SRGAP2C: variants seen among roughly 807,000 people sequenced by gnomAD.
SRGAP2C encodes SLIT-ROBO Rho GTPase activating protein 2C.
A neutral mutation model predicts 25.1 loss-of-function variants in SRGAP2C; 15 were observed. That is an observed-to-expected ratio of 0.60 (90% CI 0.40 to 0.92). SRGAP2C has a LOEUF of 0.92. Among genes scored for constraint, SRGAP2C ranks in the 40% least tolerant of loss-of-function variants. The probability of loss-of-function intolerance (pLI) is 0.00; values close to 1 mark genes in which losing one functional copy is unlikely to be tolerated. For synonymous variants in SRGAP2C, 44 were observed against 96.6 expected, an observed-to-expected ratio of 0.46 and a Z score of 3.19; for missense variants, 144 against 264.4, an observed-to-expected ratio of 0.54 and a Z score of 3.16.
chr1:121,270,560 C>T (rs1656921254), intron 2 of SRGAP2C, among the ~76,000 whole-genome samples: 1 of 129,264 alleles, frequency 7.7e-6, no homozygotes, highest in Non-Finnish European at 1.6e-5. Flanking sequence ...TTTTTTTACA[C>T]ACCATTAATT....
chr1:121,239,372 TTA>T (rs1368470836), intron 2 of SRGAP2C, among the ~76,000 whole-genome samples: 1 of 48,244 alleles, frequency 2.1e-5, no homozygotes, highest in Non-Finnish European at 3.7e-5. Flanking sequence ...GCTATGGGAG[TTA>T]GAGTGTTTGG....
At chr1:121,262,941 A>G (rs1553333730) in intron 2 of SRGAP2C, among the ~76,000 whole-genome samples, 1 of 150,370 alleles carries the variant, frequency 6.7e-6, no homozygotes, top group African/African-American at 2.4e-5. Flanking sequence ...TTCTAATGTC[A>G]AAAAATTTTT....
intron 4 of SRGAP2C, among the ~76,000 whole-genome samples, chr1:121,328,898 AAAAAAAACAAAAAAC>A (rs1658373717): frequency 2.4e-5 from 1 of 41,014 alleles, no homozygotes; most frequent in African/African-American, 5.1e-5. Flanking sequence ...TTAAAAAAAA[AAAAAAAACAAAAAAC>A]AAAAAACAAA....
chr1:121,345,639 G>A (rs1553343643), intron 4 of SRGAP2C, among the ~76,000 whole-genome samples: 1 of 145,266 alleles, frequency 6.9e-6, no homozygotes, highest in Non-Finnish European at 1.5e-5. Flanking sequence ...ATAACCTCTG[G>A]GTTGCTCTTC....
chr1:121,291,111 CAA>C (rs1166238475), intron 3 of SRGAP2C, among the ~76,000 whole-genome samples: 14 of 101,436 alleles, frequency 1.4e-4, no homozygotes, highest in East Asian at 2.3e-4. Context: ...AAAGTAAGAG[CAA>C]AAAAAAAAAA....
intron 2 of SRGAP2C, among the ~76,000 whole-genome samples, chr1:121,280,585 C>A (rs1453301326): frequency 6.6e-6 from 1 of 151,820 alleles, no homozygotes; most frequent in Non-Finnish European, 1.5e-5. Flanking sequence ...TAAATGGGCT[C>A]TACTGGGCAC....
intron 4 of SRGAP2C, among the ~76,000 whole-genome samples, chr1:121,334,571 A>G (rs1553342290): frequency 5.2e-5 from 6 of 114,558 alleles, no homozygotes; most frequent in Non-Finnish European, 9.3e-5. Context: ...AAGCAATCCC[A>G]GTCCTTCCGT....
At chr1:121,264,748 A>G (rs1442480962) in intron 2 of SRGAP2C, among the ~76,000 whole-genome samples, 2 of 147,820 alleles carry the variant, frequency 1.4e-5, no homozygotes, top group Non-Finnish European at 3.0e-5. Flanking sequence ...TTCCCCGATA[A>G]TGGGCTTTTT....
intron 2 of SRGAP2C, among the ~76,000 whole-genome samples, chr1:121,233,186 G>A (rs1273240831): frequency 3.6e-4 from 43 of 118,286 alleles, no homozygotes; most frequent in African/African-American, 7.3e-4. Context: ...TTGCTCTGTC[G>A]CCCAGTCTGG....
intron 2 of SRGAP2C, among the ~76,000 whole-genome samples, chr1:121,218,905 A>G (rs1191840258): frequency 6.6e-6 from 1 of 151,814 alleles, no homozygotes; most frequent in African/African-American, 2.4e-5. Flanking sequence ...GTTTAAGTGA[A>G]CCAAGTTCTT....
intron 4 of SRGAP2C, among the ~76,000 whole-genome samples, chr1:121,362,517 C>T (rs1211557835): frequency 6.6e-6 from 1 of 150,402 alleles, no homozygotes; most frequent in South Asian, 2.1e-4. Flanking sequence ...TCCCCCATCC[C>T]CCACTCTGGG....
intron 2 of SRGAP2C, among the ~76,000 whole-genome samples, chr1:121,199,013 G>T (rs1446448403): frequency 6.6e-6 from 1 of 152,066 alleles, no homozygotes; most frequent in Non-Finnish European, 1.5e-5. Context: ...ACAATTCTTG[G>T]CCCTTATAAT....
At chr1:121,306,401 GA>G (rs1474206395) in intron 3 of SRGAP2C, among the ~76,000 whole-genome samples, 1 of 134,118 alleles carries the variant, frequency 7.5e-6, no homozygotes, top group Admixed American at 7.8e-5. Flanking sequence ...CTAAAAATAA[GA>G]GGAAAACAAT....
chr1:121,295,734 T>TTCGTTGTTGTTG (rs1425362653), intron 3 of SRGAP2C, among the ~76,000 whole-genome samples: 1 of 149,966 alleles, frequency 6.7e-6, no homozygotes, highest in Non-Finnish European at 1.5e-5. Flanking sequence ...CTTTTTTGTT[T>TTCGTTGTTGTTG]TTGTTGTTGT....
At chr1:121,320,871 A>C (rs1408610447) in intron 3 of SRGAP2C, among the ~76,000 whole-genome samples, 1 of 152,104 alleles carries the variant, frequency 6.6e-6, no homozygotes. Context: ...GATATTAAGC[A>C]TGTTGATTTT....
intron 2 of SRGAP2C, among the ~76,000 whole-genome samples, chr1:121,236,038 G>T (rs1440677631): frequency 7.7e-6 from 1 of 129,560 alleles, no homozygotes; most frequent in Non-Finnish European, 1.6e-5. Flanking sequence ...ACGTGATCCT[G>T]TTGGACTTGG....
intron 4 of SRGAP2C, among the ~76,000 whole-genome samples, chr1:121,329,281 T>C (rs1453601742): frequency 6.6e-6 from 1 of 152,176 alleles, no homozygotes; most frequent in African/African-American, 2.4e-5. Flanking sequence ...GTCACTTGGC[T>C]CTAGAATCCA....
rs1276110786 is a variant in SRGAP2C at position 121,259,743 on chromosome 1, C to G, written c.68-25060C>G. Among the ~76,000 whole-genome samples the G allele has an allele frequency of 2.0e-5, 3 of 150,014 alleles. No homozygotes were observed. The South Asian group carries it at 6.3e-4, about 31-fold the overall frequency. ...ATAAACATGATGAATATATAAATTG[C>G]TAGTGTTTAGAAGGTAATAAGTACA... On this transcript the variant is annotated intron_variant, in intron 2 of 9. Coordinates refer to ENST00000367123, the MANE Select transcript of SRGAP2C (RefSeq NM_001329984.2).
chr1:121,314,956 G>C (rs1178979328), intron 3 of SRGAP2C: 4 of 955,892 alleles, frequency 4.2e-6, no homozygotes, highest in Admixed American at 4.5e-5. Flanking sequence ...TTTTGAGCCA[G>C]GGCTTGAAGC....
Sources: allele counts gnomAD v4.1 joint callset (sites outside exome capture counted in the v4.1 genomes callset), GRCh38; gene constraint gnomAD v4.1.1; transcripts MANE v1.5; gene names NCBI Gene and HGNC (gene_info 2026-07-23, HGNC 2026-07-21).